LANCL3: variants seen among roughly 807,000 people sequenced by gnomAD.
LANCL3 encodes the protein lanC-like protein 3.
LANCL3 carries 19 observed loss-of-function variants against 26.5 expected under a neutral mutation model. That is an observed-to-expected ratio of 0.72 (90% CI 0.50 to 1.05). The LOEUF (loss-of-function observed/expected upper bound fraction) is 1.05. Ranked by LOEUF, LANCL3 falls within the 50% of genes least tolerant of loss-of-function variation. The pLI is 0.00. For missense variants in LANCL3, 318 were observed against 362.7 expected (o/e 0.88, Z 1.00); for synonymous variants, 160 against 166.6 (o/e 0.96, Z 0.30).
At chrX:37,589,151 GT>G (rs1160149401) in intron 1 of LANCL3, among the ~76,000 whole-genome samples, 142 of 107,767 alleles carry the variant, frequency 1.3e-3, no homozygotes, top group East Asian at 0.013. Flanking sequence ...TTTTTAAAAT[GT>G]TTTTTTTTTC....
At position 37,683,095 on chromosome X, in the gene LANCL3, T is replaced by C. The variant is rs1204064798; in HGVS notation, c.*7282T>C. On this transcript the variant is annotated 3_prime_UTR_variant, in exon 5 of 5. Transcript: ENST00000378619. ...CACCACATGTTAGTTTTGGAATGTG[T>C]ATTTCCCAGCGAATAGAATTTACTG... The C allele has an allele frequency of 1.8e-5, 2 of 112,083 alleles. No individual in the cohort carries two copies. Among genetic ancestry groups the C allele is most frequent in the Non-Finnish European group, 3.8e-5 (2 of 53,219 alleles). 9.2% of individuals were successfully genotyped at this position (112,083 alleles called of 1,213,427 possible).
chrX:37,631,322 T>A (rs1208211797), intron 1 of LANCL3, among the ~76,000 whole-genome samples: 1 of 111,794 alleles, frequency 8.9e-6, no homozygotes, highest in Non-Finnish European at 1.9e-5. Flanking sequence ...TTTTGTTGTG[T>A]CTATTTGATT....
intron 1 of LANCL3, among the ~76,000 whole-genome samples, chrX:37,624,771 G>A (rs782231553): frequency 1.7e-4 from 19 of 111,425 alleles, no homozygotes; most frequent in Middle Eastern, 4.6e-3. Flanking sequence ...CTGACCTGAC[G>A]TTCTGAGGAA....
At chrX:37,633,125 C>T (rs782236373) in intron 1 of LANCL3, among the ~76,000 whole-genome samples, 60 of 107,040 alleles carry the variant, frequency 5.6e-4, no homozygotes, top group African/African-American at 1.9e-3. Flanking sequence ...TCACATAGTC[C>T]GATATTTCTT....
At chrX:37,595,040 G>T (rs782692639) in intron 1 of LANCL3, among the ~76,000 whole-genome samples, 1 of 111,904 alleles carries the variant, frequency 8.9e-6, no homozygotes, top group East Asian at 2.8e-4. Flanking sequence ...TTTTTATAAT[G>T]TTCTTGCTCC....
chrX:37,589,434 A>G (rs1452968996), intron 1 of LANCL3, among the ~76,000 whole-genome samples: 1 of 111,572 alleles, frequency 9.0e-6, no homozygotes, highest in African/African-American at 3.3e-5. Flanking sequence ...GTGTGGTAAC[A>G]TGCTTGGCAG....
At chrX:37,664,521 G>T (rs782661621) in intron 3 of LANCL3, among the ~76,000 whole-genome samples, 1 of 110,899 alleles carries the variant, frequency 9.0e-6, no homozygotes, top group African/African-American at 3.3e-5. Flanking sequence ...TTATTGAGGT[G>T]AAATTTACAT....
intron 1 of LANCL3, among the ~76,000 whole-genome samples, chrX:37,615,859 T>C (rs1167477620): frequency 1.8e-5 from 2 of 112,057 alleles, no homozygotes; most frequent in Non-Finnish European, 3.8e-5. Context: ...TAAATATTTC[T>C]CATTAAATTG....
chrX:37,626,376 A>G (rs1925315456), intron 1 of LANCL3, among the ~76,000 whole-genome samples: 1 of 112,249 alleles, frequency 8.9e-6, no homozygotes, highest in Admixed American at 9.4e-5. Context: ...TGTGTGATTT[A>G]ATATTGGCAT....
In LANCL3 at chrX:37,625,765, C is replaced by A. The variant is rs148537185; in HGVS notation, c.574-29923C>A. Among the ~76,000 whole-genome samples, 476 of 110,789 alleles carry A rather than the reference C, an allele frequency of 4.3e-3. 4 individuals are homozygous for A. Among genetic ancestry groups the A allele is most frequent in the African/African-American group, 0.015 (457 of 30,438 alleles). ...CTTTTCAGTACCTCAGTGTTCTCAT[C>A]TGCAAATTTGGGCTAGGTATAATGT... On this transcript the variant is annotated intron_variant, in intron 1 of 4. Transcript: ENST00000378619.
At chrX:37,604,567 G>T (rs782546677) in intron 1 of LANCL3, among the ~76,000 whole-genome samples, 5 of 112,208 alleles carry the variant, frequency 4.5e-5, no homozygotes, top group African/African-American at 1.6e-4. Context: ...GTTTGCACAT[G>T]TGTCTGCAGT....
chrX:37,667,303 A>G lies in LANCL3; in HGVS notation c.917A>G (p.Lys306Arg). ...GAPGIAYLFA[K>R]AYLVSKKPQY... Reference sequence around the variant, plus strand: ...ACAGGAATTGCCTATCTGTTTGCCAAAGCTTATCTGGTTTCCAAGAAACCG... The same window carrying G: ...ACAGGAATTGCCTATCTGTTTGCCAGAGCTTATCTGGTTTCCAAGAAACCG... The change falls in exon 4 of 5, where the codon AAA (lysine) becomes AGA (arginine). Residue 306 changes from lysine (K) to arginine (R), a missense_variant. Transcript: ENST00000378619. The G allele has an allele frequency of 8.8e-7, 1 of 1,130,078 alleles. No individual in the cohort carries two copies. The highest frequency in any genetic ancestry group is 2.2e-5 in the South Asian group (1 of 44,534). The allele number at this position is 1,130,078 out of a possible 1,213,427, so 93.1% of individuals were successfully genotyped here.
rs782468482 is a variant in LANCL3, at chrX:37,612,142, A to G, written c.573+39699A>G. On this transcript the variant is annotated intron_variant, in intron 1 of 4. Transcript: ENST00000378619. Reference sequence around the variant, plus strand: ...TTTTTAGTAGAGACGGGGTTTCACCATGTTGGGCAGGCTGGTCTCGAACTC... The same window carrying G: ...TTTTTAGTAGAGACGGGGTTTCACCGTGTTGGGCAGGCTGGTCTCGAACTC... Among the ~76,000 whole-genome samples, 3 of 110,764 alleles carry G rather than the reference A, an allele frequency of 2.7e-5. No homozygotes were observed. In the East Asian group the frequency reaches 8.5e-4, roughly 32 times the overall value.
intron 1 of LANCL3, among the ~76,000 whole-genome samples, chrX:37,589,444 G>A (rs1666836619): frequency 1.8e-5 from 2 of 111,557 alleles, no homozygotes; most frequent in South Asian, 7.6e-4. Context: ...ATGCTTGGCA[G>A]AGGATGCTCC....
rs148480189 is a variant in LANCL3, at chrX:37,579,884, G to C, written c.573+7441G>C. Among the ~76,000 whole-genome samples, 1,072 of 111,200 alleles carry C rather than the reference G, an allele frequency of 9.6e-3. 6 individuals carry two copies. Among genetic ancestry groups the C allele is most frequent in the African/African-American group, 0.033 (1,020 of 30,583 alleles). On this transcript the variant is annotated intron_variant, in intron 1 of 4. Transcript: ENST00000378619. ...CAAAAATGTTCTACCAATTTCTATT[G>C]TCTCCATCAGCATTTGGGAGTGCCT... is the stretch of plus-strand genomic sequence containing the variant.
chrX:37,655,859 A>C, intron 2 of LANCL3, 48 bp downstream of exon 2: 2 of 1,123,530 alleles, frequency 1.8e-6, no homozygotes, highest in Non-Finnish European at 2.4e-6. Context: ...AAAGTCTCTA[A>C]GATACTACCA....
intron 1 of LANCL3, among the ~76,000 whole-genome samples, chrX:37,625,979 T>C (rs981218646): frequency 4.5e-5 from 5 of 112,129 alleles, no homozygotes; most frequent in Admixed American, 3.8e-4. Flanking sequence ...TTTGCTTATA[T>C]CACTAACATT....
chrX:37,591,582 G>A (rs1924281012), intron 1 of LANCL3, among the ~76,000 whole-genome samples: 1 of 110,855 alleles, frequency 9.0e-6, no homozygotes, highest in Non-Finnish European at 1.9e-5. Flanking sequence ...GGGAAAGTAG[G>A]AAGCAGTGAA....
At chrX:37,649,416 G>A (rs1926072708) in intron 1 of LANCL3, among the ~76,000 whole-genome samples, 1 of 110,054 alleles carries the variant, frequency 9.1e-6, no homozygotes, top group Non-Finnish European at 1.9e-5. Flanking sequence ...AGAACACATG[G>A]ACACAGGGAG....
Sources: allele counts gnomAD v4.1 joint callset (sites outside exome capture counted in the v4.1 genomes callset), GRCh38; gene constraint gnomAD v4.1.1; transcripts MANE v1.5; gene names NCBI Gene and HGNC (gene_info 2026-07-23, HGNC 2026-07-21).